The following ZFHX3 variants were observed in gnomAD, a reference collection of about 807,000 sequenced individuals.
ZFHX3 encodes zinc finger homeobox 3, also known as zinc finger homeobox protein 3.
Under a neutral mutation model 279.1 loss-of-function variants are expected in ZFHX3, and 42 were observed. The observed-to-expected ratio is 0.15, with a 90% confidence interval of 0.12 to 0.19. The LOEUF (loss-of-function observed/expected upper bound fraction) is 0.19. ZFHX3 is among the 10% of genes least tolerant of loss of function. The pLI, the probability that ZFHX3 is intolerant of heterozygous loss-of-function variation, is 1.00. For synonymous variants in ZFHX3, 2,293 were observed against 1,957.8 expected, an observed-to-expected ratio of 1.17 and a Z score of -4.52; for missense variants, 4,981 against 4,754.0, an observed-to-expected ratio of 1.05 and a Z score of -1.40.
chr16:73,790,462 T>C (rs1959790743), intron 1 of ZFHX3, among the ~76,000 whole-genome samples: 1 of 152,238 alleles, frequency 6.6e-6, no homozygotes, highest in Admixed American at 6.5e-5. Flanking sequence ...AGGTGGATGC[T>C]TATGACTCAG....
At chr16:73,850,741 C>T (rs1177543073) in intron 1 of ZFHX3, among the ~76,000 whole-genome samples, 2 of 137,968 alleles carry the variant, frequency 1.4e-5, no homozygotes, top group African/African-American at 2.6e-5. Context: ...AGAGATCTAA[C>T]TCCCAGCACT....
intron 1 of ZFHX3, among the ~76,000 whole-genome samples, chr16:73,789,574 G>T (rs1045337954): frequency 2.6e-5 from 4 of 152,170 alleles, no homozygotes; most frequent in African/African-American, 9.7e-5. Context: ...AGTGCTAGAA[G>T]GAATTGCAAA....
At chr16:72,929,603 A>C (rs1175370033) in intron 3 of ZFHX3, among the ~76,000 whole-genome samples, 1 of 152,324 alleles carries the variant, frequency 6.6e-6, no homozygotes, top group Non-Finnish European at 1.5e-5. Flanking sequence ...CTGTGTTCTG[A>C]AAGGTGGCCT....
chr16:73,637,284 T>C (rs114350473), intron 2 of ZFHX3, among the ~76,000 whole-genome samples: 94 of 149,790 alleles, frequency 6.3e-4, no homozygotes, highest in African/African-American at 2.3e-3. Context: ...CAGGCTGCAG[T>C]ACAACGGGGT....
intron 7 of ZFHX3, among the ~76,000 whole-genome samples, chr16:73,113,289 C>A (rs1966398876): frequency 6.6e-6 from 1 of 151,990 alleles, no homozygotes; most frequent in African/African-American, 2.4e-5. Flanking sequence ...TAGGAAGGAA[C>A]AATATAAGAT....
chr16:72,913,342 A>G (rs2039365607), intron 3 of ZFHX3, among the ~76,000 whole-genome samples: 1 of 152,186 alleles, frequency 6.6e-6, no homozygotes, highest in South Asian at 2.1e-4. Flanking sequence ...ATTCTCCTCC[A>G]TCGCCTCCAA....
chr16:73,555,185 C>T (rs1353455471), intron 2 of ZFHX3, among the ~76,000 whole-genome samples: 1 of 152,010 alleles, frequency 6.6e-6, no homozygotes, highest in Non-Finnish European at 1.5e-5. Flanking sequence ...GGAGGAGTCT[C>T]GCTCTGTCAA....
intron 2 of ZFHX3, chr16:73,483,249 T>C: frequency 2.6e-6 from 1 of 379,800 alleles, no homozygotes; most frequent in South Asian, 1.9e-5. Context: ...CAGAGGTCCA[T>C]CGGGCTGCCA....
chr16:73,840,243 G>A (rs1205268061), intron 1 of ZFHX3, among the ~76,000 whole-genome samples: 2 of 152,088 alleles, frequency 1.3e-5, no homozygotes, highest in Non-Finnish European at 2.9e-5. Flanking sequence ...ACAGCCAAGA[G>A]GAGGAAAAGA....
intron 1 of ZFHX3, among the ~76,000 whole-genome samples, chr16:73,861,179 T>C (rs1961873703): frequency 6.6e-6 from 1 of 152,050 alleles, no homozygotes; most frequent in Admixed American, 6.6e-5. Flanking sequence ...TTGCCCAGGC[T>C]GGTCTTGAAC....
intron 2 of ZFHX3, among the ~76,000 whole-genome samples, chr16:73,514,094 A>C (rs1244527363): frequency 6.6e-6 from 1 of 152,100 alleles, no homozygotes; most frequent in Non-Finnish European, 1.5e-5. Flanking sequence ...TAAAAATACA[A>C]AAAATTAGCT....
At chr16:73,599,426 C>T (rs1422213075) in intron 2 of ZFHX3, among the ~76,000 whole-genome samples, 3 of 152,230 alleles carry the variant, frequency 2.0e-5, no homozygotes, top group South Asian at 2.1e-4. Context: ...GCCCCTTGTT[C>T]AACAATGATT....
intron 4 of ZFHX3, among the ~76,000 whole-genome samples, chr16:72,857,714 A>ACAAAG (rs979397898): frequency 1.2e-4 from 19 of 152,120 alleles, no homozygotes; most frequent in African/African-American, 4.1e-4. Context: ...ACAAAACAAA[A>ACAAAG]CACTAACAAA....
chr16:72,943,623 ATGT>A (rs1960520807), intron 3 of ZFHX3, among the ~76,000 whole-genome samples: 1 of 152,242 alleles, frequency 6.6e-6, no homozygotes, highest in African/African-American at 2.4e-5. Context: ...CTTTAGAACA[ATGT>A]TGTCAATCTG....
chr16:73,705,434 A>G (rs1177663149), intron 1 of ZFHX3, among the ~76,000 whole-genome samples: 6 of 152,172 alleles, frequency 3.9e-5, no homozygotes, highest in Non-Finnish European at 7.3e-5. Flanking sequence ...TGGCCATTGG[A>G]CCTTGGGCCA....
At chr16:72,890,178 T>C (rs55803040) in intron 3 of ZFHX3, among the ~76,000 whole-genome samples, 10,228 of 152,246 alleles carry the variant, frequency 0.067, 517 homozygotes, top group East Asian at 0.15. Flanking sequence ...GTGTTGGGGA[T>C]AGGACCTTGT....
intron 3 of ZFHX3, among the ~76,000 whole-genome samples, chr16:73,409,873 C>G (rs1375029614): frequency 6.6e-6 from 1 of 151,934 alleles, no homozygotes; most frequent in Non-Finnish European, 1.5e-5. Flanking sequence ...AGACAAACTT[C>G]ACATGTTCTC....
At chr16:73,209,073 C>T (rs2011911950) in intron 5 of ZFHX3, among the ~76,000 whole-genome samples, 1 of 152,146 alleles carries the variant, frequency 6.6e-6, no homozygotes, top group Admixed American at 6.6e-5. Flanking sequence ...ATCATACTCT[C>T]TACTTTTATA....
intron 4 of ZFHX3, among the ~76,000 whole-genome samples, chr16:72,862,059 C>T (rs1008671077): frequency 1.3e-5 from 2 of 152,156 alleles, no homozygotes; most frequent in Non-Finnish European, 2.9e-5. Flanking sequence ...GTTTCATTGT[C>T]GGTGTCCTCT....
Sources: allele counts gnomAD v4.1 joint callset (sites outside exome capture counted in the v4.1 genomes callset), GRCh38; gene constraint gnomAD v4.1.1; transcripts MANE v1.5; gene names NCBI Gene and HGNC (gene_info 2026-07-23, HGNC 2026-07-21).